The following ABLIM3 variants were observed in gnomAD, a reference collection of about 807,000 sequenced individuals.
ABLIM3 encodes actin-binding LIM protein 3.
ABLIM3 carries 61 observed loss-of-function variants against 109.5 expected under a neutral mutation model. The ratio of observed to expected loss-of-function variants is 0.56; its 90% CI spans 0.45 to 0.69. The LOEUF is 0.69. Ranked by LOEUF, ABLIM3 falls within the 30% of genes least tolerant of loss-of-function variation. The probability of loss-of-function intolerance (pLI) is 0.00; values close to 1 mark genes in which losing one functional copy is unlikely to be tolerated. For missense variants in ABLIM3, 796 were observed against 889.5 expected (o/e 0.89, Z 1.34); for synonymous variants, 300 against 324.8 (o/e 0.92, Z 0.82).
chr5:149,228,925 C>T (rs904730076), intron 8 of ABLIM3, among the ~76,000 whole-genome samples: 1 of 152,166 alleles, frequency 6.6e-6, no homozygotes, highest in Non-Finnish European at 1.5e-5. Context: ...GACCCCCTCG[C>T]TTGACACATT....
At chr5:149,246,053 C>T (rs949402453) in intron 16 of ABLIM3, among the ~76,000 whole-genome samples, 1 of 152,142 alleles carries the variant, frequency 6.6e-6, no homozygotes, top group African/African-American at 2.4e-5. Flanking sequence ...GTCCCAGCTA[C>T]ATGCAAGCCT....
At chr5:149,258,165 C>A (rs1405332389) in intron 23 of ABLIM3, 126 bp from the exon 24 acceptor site, 1 of 695,742 alleles carries the variant, frequency 1.4e-6, no homozygotes, top group Non-Finnish European at 2.4e-6. Flanking sequence ...AGGCACCATG[C>A]AAGGCACAGG....
intron 18 of ABLIM3, 149 bp downstream of exon 18, chr5:149,248,078 G>A (rs780365002): frequency 5.8e-6 from 6 of 1,027,762 alleles, no homozygotes; most frequent in Non-Finnish European, 8.3e-6. Context: ...TGTGGTGGGT[G>A]ACTTGCCCAA....
chr5:149,242,703 T>C (rs1752975624), intron 15 of ABLIM3, 165 bp downstream of exon 15: 3 of 717,308 alleles, frequency 4.2e-6, no homozygotes, highest in African/African-American at 1.7e-5. Flanking sequence ...AGGGCAGAGT[T>C]TGGTATCATT....
At chr5:149,251,110 G>T (rs550582204) in intron 20 of ABLIM3, among the ~76,000 whole-genome samples, 1 of 152,342 alleles carries the variant, frequency 6.6e-6, no homozygotes, top group Admixed American at 6.5e-5. Context: ...AAAAAGGGGT[G>T]TTTGAGCAAT....
intron 10 of ABLIM3, 138 bp downstream of exon 10, chr5:149,233,438 AC>A: frequency 1.1e-6 from 1 of 908,220 alleles, no homozygotes; most frequent in Non-Finnish European, 1.8e-6. Context: ...TAGGCTCTGT[AC>A]CAGGTCTTGA....
chr5:149,230,411 G>A (rs920612546), intron 8 of ABLIM3, among the ~76,000 whole-genome samples: 3 of 152,140 alleles, frequency 2.0e-5, no homozygotes, highest in African/African-American at 7.2e-5. Flanking sequence ...GTTTGCAAGA[G>A]GATGTCATGT....
intron 5 of ABLIM3, chr5:149,200,701 C>G: frequency 2.1e-6 from 1 of 471,318 alleles, no homozygotes; most frequent in Non-Finnish European, 3.9e-6. Context: ...AAGCTGAGTT[C>G]CTGATCTTAT....
chr5:149,151,213 CT>C (rs1161896014), intron 2 of ABLIM3, among the ~76,000 whole-genome samples: 2 of 152,212 alleles, frequency 1.3e-5, no homozygotes, highest in Non-Finnish European at 1.5e-5. Context: ...CTCCCTGAGT[CT>C]TTTCACATCA....
intron 18 of ABLIM3, among the ~76,000 whole-genome samples, 169 bp downstream of exon 18, chr5:149,248,098 A>G (rs573662485): frequency 6.6e-6 from 1 of 152,314 alleles, no homozygotes; most frequent in African/African-American, 2.4e-5. Context: ...AGATCACTCA[A>G]TTTATCAGTA....
chr5:149,222,182 T>C (rs942274424), intron 8 of ABLIM3, among the ~76,000 whole-genome samples: 11 of 151,528 alleles, frequency 7.3e-5, no homozygotes, highest in African/African-American at 2.4e-4. Context: ...TTTGTTGGTA[T>C]ACTTTGAGCA....
chr5:149,162,873 G>A (rs1050789765), intron 2 of ABLIM3, among the ~76,000 whole-genome samples: 3 of 152,230 alleles, frequency 2.0e-5, no homozygotes, highest in Non-Finnish European at 4.4e-5. Context: ...CTCAAAATGT[G>A]TTTTCTAGGA....
intron 3 of ABLIM3, among the ~76,000 whole-genome samples, chr5:149,193,693 A>G (rs1177328038): frequency 6.6e-6 from 1 of 152,210 alleles, no homozygotes; most frequent in African/African-American, 2.4e-5. Context: ...CTGTCCTACC[A>G]GATATCATCA....
intron 7 of ABLIM3, among the ~76,000 whole-genome samples, chr5:149,213,361 C>T (rs1759751703): frequency 6.6e-6 from 1 of 152,116 alleles, no homozygotes; most frequent in African/African-American, 2.4e-5. Context: ...GGAAGAGAAT[C>T]GGGCATTCAG....
intron 2 of ABLIM3, among the ~76,000 whole-genome samples, chr5:149,148,412 G>A (rs1429434906): frequency 6.6e-6 from 1 of 152,158 alleles, no homozygotes; most frequent in African/African-American, 2.4e-5. Flanking sequence ...TTCGCTGAAG[G>A]ACTTCAGAGG....
intron 17 of ABLIM3, among the ~76,000 whole-genome samples, chr5:149,247,277 G>A (rs183040882): frequency 6.6e-6 from 1 of 152,294 alleles, no homozygotes; most frequent in East Asian, 1.9e-4. Flanking sequence ...TAGATTGCTG[G>A]TTCCCAGGGG....
At chr5:149,250,203 T>C (rs1753787221) in intron 19 of ABLIM3, among the ~76,000 whole-genome samples, 1 of 152,106 alleles carries the variant, frequency 6.6e-6, no homozygotes, top group Non-Finnish European at 1.5e-5. Context: ...GATGTGCAGG[T>C]CAAGGATAGA....
intron 8 of ABLIM3, among the ~76,000 whole-genome samples, chr5:149,222,684 T>G (rs1760779265): frequency 7.5e-6 from 1 of 133,142 alleles, no homozygotes; most frequent in South Asian, 2.4e-4. Flanking sequence ...TTTTTTTTTT[T>G]TAGCTCAGAG....
chr5:149,214,915 AT>A (rs1175070762), intron 7 of ABLIM3, among the ~76,000 whole-genome samples: 1 of 152,006 alleles, frequency 6.6e-6, no homozygotes, highest in Non-Finnish European at 1.5e-5. Flanking sequence ...GAGGGTACCA[AT>A]TTTTTGCCAT....
Sources: gnomAD v4.1 joint callset for allele counts (sites outside exome capture counted in the v4.1 genomes callset) on GRCh38, gnomAD v4.1.1 for gene constraint, MANE v1.5 for transcripts, NCBI Gene and HGNC (gene_info 2026-07-23, HGNC 2026-07-21) for gene names.